The following SUPT5H variants were observed in gnomAD, a reference collection of about 807,000 sequenced individuals.
SUPT5H encodes transcription elongation factor SPT5.
SUPT5H carries 24 observed loss-of-function variants against 142.5 expected under a neutral mutation model. The ratio of observed to expected loss-of-function variants is 0.17; its 90% CI spans 0.12 to 0.24. The LOEUF is 0.24. Ranked by LOEUF, SUPT5H falls within the 10% of genes least tolerant of loss-of-function variation. The pLI is 1.00. For missense variants in SUPT5H, 893 were observed against 1,471.8 expected (o/e 0.61, Z 6.43); for synonymous variants, 546 against 553.0 (o/e 0.99, Z 0.18).
Position 39,472,324 on chromosome 19 carries a change from G to C in SUPT5H, c.1951-85G>C. ...GTGGGTGGCTGGGTGGTCTCCTCAG[G>C]GCCCTGCACGTGGGATGATGAGTTC... is the stretch of plus-strand genomic sequence containing the variant. On this transcript the variant is annotated intron_variant, in intron 20 of 29. Coordinates refer to ENST00000432763, the MANE Select transcript of SUPT5H (RefSeq NM_001111020.3). The surrounding 1 kb of genome is among the most constrained non-coding windows in gnomAD (Gnocchi z 4.2). The C allele has an allele frequency of 2.9e-6, 4 of 1,358,316 alleles. No homozygotes were observed. Among genetic ancestry groups the C allele is most frequent in the Non-Finnish European group, 4.2e-6 (4 of 954,994 alleles). 84.1% of individuals were successfully genotyped at this position (1,358,316 alleles called of 1,614,324 possible).
At position 39,458,407 on chromosome 19, in the gene SUPT5H, C is replaced by G; in HGVS notation, c.319+102C>G. 1.9e-6 allele frequency: 3 copies of G among 1,581,764 alleles called. No homozygotes were observed. Among genetic ancestry groups the G allele is most frequent in the Admixed American group, 1.7e-5 (1 of 58,502 alleles). ...TCACCGGTAGCCTCCCCACCAGCCC[C>G]GGTCTGGCCCTGAGGGCTCTGACCC... On this transcript the variant is annotated intron_variant, in intron 5 of 29. Transcript: ENST00000432763. This position sits in a 1 kb window ranked among gnomAD's most constrained non-coding sequence, Gnocchi z 4.2.
chr19:39,452,272 G>A (rs543967272), intron 2 of SUPT5H, among the ~76,000 whole-genome samples: 15 of 152,110 alleles, frequency 9.9e-5, no homozygotes, highest in African/African-American at 3.4e-4. Context: ...TTGAGTTCTG[G>A]AAAAAAGTGG....
intron 11 of SUPT5H, among the ~76,000 whole-genome samples, chr19:39,465,506 C>A (rs189666160): frequency 1.4e-4 from 21 of 152,188 alleles, no homozygotes; most frequent in Non-Finnish European, 2.2e-4. Flanking sequence ...GAGACTAGAC[C>A]ACTGGTTCTC....
intron 10 of SUPT5H, among the ~76,000 whole-genome samples, chr19:39,461,842 A>G (rs1397021806): frequency 7.0e-6 from 1 of 143,858 alleles, no homozygotes; most frequent in African/African-American, 2.6e-5. Context: ...AAAAAAAAAT[A>G]ATAATAATAA....
intron 13 of SUPT5H, chr19:39,467,922 C>G (rs2079264830): frequency 6.6e-6 from 1 of 152,248 alleles, no homozygotes; most frequent in Admixed American, 6.5e-5. Context: ...ACCTGAACCT[C>G]TCTTTGCAAA....
rs188602664 is a variant in SUPT5H at position 39,453,604 on chromosome 19, A to C, written c.241+83A>C. 4.2e-4 allele frequency: 593 copies of C among 1,407,182 alleles called. 2 individuals are homozygous for C. The highest frequency in any genetic ancestry group is 2.1e-3 in the South Asian group (129 of 60,118). The allele number at this position is 1,407,182 out of a possible 1,614,324, so 87.2% of individuals were successfully genotyped here. On this transcript the variant is annotated intron_variant, in intron 3 of 29. Coordinates refer to ENST00000432763, the MANE Select transcript of SUPT5H (RefSeq NM_001111020.3). Reference sequence around the variant, plus strand: ...ATTTCTTTTTCTTTTTTTGAGGCGGAGTCTCGCTCTGTCGCCCAGGCTGGA... The same window carrying C: ...ATTTCTTTTTCTTTTTTTGAGGCGGCGTCTCGCTCTGTCGCCCAGGCTGGA...
chr19:39,457,514 C>G (rs2079105538), intron 3 of SUPT5H, among the ~76,000 whole-genome samples, 161 bp from the exon 4 acceptor site: 1 of 152,154 alleles, frequency 6.6e-6, no homozygotes, highest in South Asian at 2.1e-4. Flanking sequence ...TGCACCAGCT[C>G]TGTGGCACGG....
chr19:39,453,632 G>A (rs1385523123), intron 3 of SUPT5H, 111 bp downstream of exon 3: 2 of 1,301,310 alleles, frequency 1.5e-6, no homozygotes, highest in Admixed American at 5.8e-5. Context: ...AGGCTGGAGT[G>A]CAGTAGCATG....
intron 2 of SUPT5H, among the ~76,000 whole-genome samples, chr19:39,452,659 A>G (rs759514940): frequency 6.6e-6 from 1 of 152,112 alleles, no homozygotes; most frequent in Admixed American, 6.5e-5. Context: ...AGTCACTGTC[A>G]CAGAGATGTC....
At position 39,473,340 on chromosome 19, in the gene SUPT5H, C is replaced by T. The variant is rs201498044; in HGVS notation, c.2386+10C>T. On this transcript the variant is annotated intron_variant, in intron 24 of 29. Transcript: ENST00000432763. The surrounding 1 kb of genome is among the most constrained non-coding windows in gnomAD (Gnocchi z 5.8). ...ACACCCCTCCAGGATGGTGAGTGCC[C>T]GCAGGGGACAGGGAAGAGGGGCTAG... 564 of 1,613,670 alleles carry T rather than the reference C, an allele frequency of 3.5e-4. 5 individuals carry two copies. In the Middle Eastern group the frequency reaches 0.012, roughly 35 times the overall value.
intron 10 of SUPT5H, among the ~76,000 whole-genome samples, chr19:39,462,886 C>T (rs1004428177): frequency 7.2e-6 from 1 of 138,300 alleles, no homozygotes; most frequent in African/African-American, 2.7e-5. Flanking sequence ...GTTGCCCAGG[C>T]TGGAGTGCAA....
At chr19:39,460,760 G>T (rs771284798) in intron 10 of SUPT5H, among the ~76,000 whole-genome samples, 12 of 152,152 alleles carry the variant, frequency 7.9e-5, no homozygotes, top group Non-Finnish European at 1.8e-4. Flanking sequence ...GCTAGGACTT[G>T]TTCTGCAGCT....
At position 39,459,012 on chromosome 19, in the gene SUPT5H, C is replaced by T. The variant is rs2079126579; in HGVS notation, c.397C>T (p.Arg133Ter). ...TCCCCACTCGTGCTCCAGGGACCAGCGAGAAGAAGAACTGGGCGAGTATTA... is the reference window on the plus strand; with the variant it reads ...TCCCCACTCGTGCTCCAGGGACCAGTGAGAAGAAGAACTGGGCGAGTATTA... The part of the protein sequence containing the change: ...RRLQNLWRDQ[R>*]EEELGEYYMK... Residue 133 changes from arginine (R) to a stop codon, truncating the protein, a stop_gained, in exon 7 of 30, where the codon CGA becomes TGA. Coordinates refer to ENST00000432763, the MANE Select transcript of SUPT5H (RefSeq NM_001111020.3). LOFTEE classifies it high-confidence loss of function. The T allele has an allele frequency of 1.9e-6, 3 of 1,613,712 alleles. No homozygotes were observed. The highest frequency in any genetic ancestry group is 2.5e-6 in the Non-Finnish European group (3 of 1,179,996).
At position 39,470,652 on chromosome 19, in the gene SUPT5H, C is replaced by A; in HGVS notation, c.1677+129C>A. 1.9e-6 allele frequency: 2 copies of A among 1,066,890 alleles called. No individual in the cohort carries two copies. The highest frequency in any genetic ancestry group is 2.6e-6 in the Non-Finnish European group (2 of 764,150). The allele number at this position is 1,066,890 out of a possible 1,614,324, so 66.1% of individuals were successfully genotyped here. A position where few individuals can be genotyped will look rare whatever the true frequency, so the allele number is the denominator to read the frequency against. On this transcript the variant is annotated intron_variant, in intron 18 of 29. Coordinates refer to ENST00000432763, the MANE Select transcript of SUPT5H (RefSeq NM_001111020.3). The surrounding 1 kb of genome is among the most constrained non-coding windows in gnomAD (Gnocchi z 5.8). ...GCAGATCTGGCTCTGTCACTTACAT[C>A]TGAATGGCTGATAGTGGGCACATGG...
In SUPT5H at chr19:39,476,184, C is replaced by G. The variant is rs751113307; in HGVS notation, c.3120+8C>G. 3.1e-6 allele frequency: 5 copies of G among 1,614,090 alleles called. No individual in the cohort carries two copies. In the East Asian group the frequency reaches 1.1e-4, roughly 36 times the overall value. ...CCCACCAAGAACAACAAGGTAAGGG[C>G]AGGGGGCAAGGAGATAAGATGGGGC... On this transcript the variant is annotated splice_region_variant and intron_variant, in intron 29 of 29. Coordinates refer to ENST00000432763, the MANE Select transcript of SUPT5H (RefSeq NM_001111020.3).
In SUPT5H at chr19:39,474,349, A is replaced by C. The variant is rs754140517; in HGVS notation, c.2767A>C (p.Asn923His). Reference protein sequence around the residue: ...QVAPSPAGYQNTHSPASYHPT... With the variant: ...QVAPSPAGYQHTHSPASYHPT... ...GGCGCCAAGCCCAGCAGGCTACCAG[A>C]ATACCCACTCCCCAGCCAGCTACCA... Residue 923 changes from asparagine (N) to histidine (H), a missense_variant, in exon 27 of 30, where the codon AAT (asparagine) becomes CAT (histidine). Asn to His is a moderately conservative substitution (Grantham distance 68). Transcript: ENST00000432763. This position sits in a 1 kb window ranked among gnomAD's most constrained non-coding sequence, Gnocchi z 6.5. The C allele has an allele frequency of 1.5e-5, 25 of 1,613,804 alleles. No homozygotes were observed. Among genetic ancestry groups the C allele is most frequent in the Non-Finnish European group, 2.0e-5 (24 of 1,179,998 alleles).
Position 39,466,334 on chromosome 19 carries a change from C to T in SUPT5H, c.877-146C>T, listed in dbSNP as rs573845326. The T allele has an allele frequency of 3.0e-5, 21 of 702,908 alleles. No homozygotes were observed. In the East Asian group the frequency reaches 4.6e-4, roughly 15 times the overall value. The allele number at this position is 702,908 out of a possible 1,614,324, so 43.5% of individuals were successfully genotyped here. ...AGAGTTGAGGGGACAGACAAGCTAGCGTGGGACTTTTGGGAGTGGTCAGCA... is the reference window on the plus strand; with the variant it reads ...AGAGTTGAGGGGACAGACAAGCTAGTGTGGGACTTTTGGGAGTGGTCAGCA... On this transcript the variant is annotated intron_variant, in intron 11 of 29. Transcript: ENST00000432763. This position sits in a 1 kb window ranked among gnomAD's most constrained non-coding sequence, Gnocchi z 4.3.
chr19:39,472,040 AC>A lies in SUPT5H; in HGVS notation c.1950+313del, dbSNP rs2146124532. 6.6e-6 allele frequency among the ~76,000 whole-genome samples: 1 copy of A among 152,338 alleles called. No individual in the cohort carries two copies. Among genetic ancestry groups the A allele is most frequent in the East Asian group, 1.9e-4 (1 of 5,190 alleles). ...ACTCTAGAGGTGGACAGACAGATAA[AC>A]CCATCGTACAGCTTGAGGTGATAGC... is the stretch of plus-strand genomic sequence containing the variant. On this transcript the variant is annotated intron_variant, in intron 20 of 29. Coordinates refer to ENST00000432763, the MANE Select transcript of SUPT5H (RefSeq NM_001111020.3). This position sits in a 1 kb window ranked among gnomAD's most constrained non-coding sequence, Gnocchi z 4.2.
In SUPT5H at chr19:39,473,606, T is replaced by TA; in HGVS notation, c.2492+85_2492+86insA. On this transcript the variant is annotated intron_variant, in intron 25 of 29. Transcript: ENST00000432763. The surrounding 1 kb of genome is among the most constrained non-coding windows in gnomAD (Gnocchi z 5.8). ...GTGTCTGGGGCATTGGAGGGGTTTG[T>TA]GGGGCCCACCCAGCATTCTCTGCTC... 1 of 1,432,934 alleles carries TA rather than the reference T, an allele frequency of 7.0e-7. No individual in the cohort carries two copies. Among genetic ancestry groups the TA allele is most frequent in the Non-Finnish European group, 9.5e-7 (1 of 1,055,002 alleles). The allele number at this position is 1,432,934 out of a possible 1,614,324, so 88.8% of individuals were successfully genotyped here. A position where few individuals can be genotyped will look rare whatever the true frequency, so the allele number is the denominator to read the frequency against.
Sources: allele counts gnomAD v4.1 joint callset (sites outside exome capture counted in the v4.1 genomes callset), GRCh38; gene constraint gnomAD v4.1.1; non-coding constraint Gnocchi (gnomAD v3.1); transcripts MANE v1.5; gene names NCBI Gene and HGNC (gene_info 2026-07-23, HGNC 2026-07-21).